ZNF469: variants seen among roughly 807,000 people sequenced by gnomAD.
ZNF469 encodes zinc finger protein 469.
Under a neutral mutation model 1.0 loss-of-function variants are expected in ZNF469, and 1 was observed. The ratio of observed to expected loss-of-function variants is 1.00; its 90% CI spans 0.35 to 4.73. The LOEUF (loss-of-function observed/expected upper bound fraction) is 4.73. ZNF469 is among the 30% of genes most tolerant of loss of function. The pLI is 0.16. For missense variants in ZNF469, 6,100 were observed against 5,356.3 expected (o/e 1.14, Z -4.33); for synonymous variants, 2,703 against 2,363.4 (o/e 1.14, Z -4.17).
At chr16:88,115,365 T>C in the ZNF469 span, among the ~76,000 whole-genome samples, 1 of 151,870 alleles carries the variant, frequency 6.6e-6, no homozygotes, top group Non-Finnish European at 1.5e-5. Flanking sequence ...TGTGTGACGC[T>C]CATATGTCCC....
upstream of ZNF469, among the ~76,000 whole-genome samples, chr16:88,381,546 C>T (rs1319562214): frequency 6.6e-6 from 1 of 152,234 alleles, no homozygotes; most frequent in African/African-American, 2.4e-5. Flanking sequence ...ACCCCTGGCC[C>T]TTGAAACTTT....
the ZNF469 span, among the ~76,000 whole-genome samples, chr16:88,247,457 T>C: frequency 1.1e-3 from 163 of 149,160 alleles, 4 homozygotes; most frequent in East Asian, 0.024. Flanking sequence ...AGTGAATGAG[T>C]GAATGAATGA....
chr16:88,356,514 G>C, the ZNF469 span, among the ~76,000 whole-genome samples: 1 of 151,798 alleles, frequency 6.6e-6, no homozygotes, highest in African/African-American at 2.4e-5. Flanking sequence ...ACATGTGCCT[G>C]TGTGTGTATT....
chr16:88,264,237 A>G, the ZNF469 span, among the ~76,000 whole-genome samples: 2 of 151,664 alleles, frequency 1.3e-5, no homozygotes, highest in South Asian at 4.2e-4. Flanking sequence ...CTCCTCCCAC[A>G]CCGAAACCCA....
At position 88,430,136 on chromosome 16, in the gene ZNF469, C is replaced by A. The variant is rs145186655; in HGVS notation, c.2666C>A (p.Ala889Glu). 2.6e-6 allele frequency: 4 copies of A among 1,550,024 alleles called. No individual in the cohort carries two copies. In the East Asian group the frequency reaches 7.3e-5, roughly 28 times the overall value. ...PSSGHPLKSKAGVTPESKAPP... is the reference protein window; with the variant it reads ...PSSGHPLKSKEGVTPESKAPP... ...TCCGGACACCCCCTTAAGAGCAAGGCGGGGGTGACTCCAGAGAGCAAAGCT... is the reference window on the plus strand; with the variant it reads ...TCCGGACACCCCCTTAAGAGCAAGGAGGGGGTGACTCCAGAGAGCAAAGCT... The change falls in exon 3 of 3, where the codon GCG (alanine) becomes GAG (glutamate). Residue 889 changes from alanine (A) to glutamate (E), a missense_variant. By Grantham distance (107) the Ala-to-Glu change is moderately radical (BLOSUM62 -1). Transcript: ENST00000565624.
the ZNF469 span, among the ~76,000 whole-genome samples, chr16:88,132,445 TG>T: frequency 2.0e-5 from 3 of 152,356 alleles, no homozygotes; most frequent in African/African-American, 7.2e-5. Context: ...GATCTGTGAC[TG>T]GCCCCATCTC....
the ZNF469 span, among the ~76,000 whole-genome samples, chr16:88,278,959 T>C: frequency 8.8e-5 from 13 of 147,486 alleles, no homozygotes; most frequent in Admixed American, 4.8e-4. Context: ...GTAGATATCA[T>C]TAGTGCACAG....
At chr16:88,170,983 G>A in the ZNF469 span, among the ~76,000 whole-genome samples, 78 of 152,268 alleles carry the variant, frequency 5.1e-4, no homozygotes, top group Non-Finnish European at 1.0e-3. The surrounding 1 kb of genome is among the most constrained non-coding windows in gnomAD (Gnocchi z 4.2). Context: ...GAGGGGAAGT[G>A]CATCATAGTT....
chr16:88,309,621 TG>T, the ZNF469 span, among the ~76,000 whole-genome samples: 2 of 143,242 alleles, frequency 1.4e-5, no homozygotes, highest in Admixed American at 1.4e-4. Flanking sequence ...TGAGGTCCCC[TG>T]TCAGTGTTCA....
At chr16:88,190,594 TG>T in the ZNF469 span, among the ~76,000 whole-genome samples, 1 of 152,222 alleles carries the variant, frequency 6.6e-6, no homozygotes, top group East Asian at 1.9e-4. Flanking sequence ...CTAAGGGCAA[TG>T]GGGAGCTATT....
rs1051148026 is a variant in ZNF469, at chr16:88,434,685, G to C, written c.7215G>C (p.Leu2405Phe). The C allele has an allele frequency of 3.2e-6, 5 of 1,550,250 alleles. No homozygotes were observed. In the African/African-American group the frequency reaches 6.8e-5, roughly 21 times the overall value. ...CCTGCCCTTCCACAGGACTGGGCTT[G>C]GGAAGAACCACAGCCCCAAGCAGCA... ...RVTCPSTGLGLGRTTAPSSTA... is the reference protein window; with the variant it reads ...RVTCPSTGLGFGRTTAPSSTA... Residue 2405 changes from leucine (L) to phenylalanine (F), a missense_variant, in exon 3 of 3, where the codon TTG becomes TTC. Coordinates refer to ENST00000565624, the MANE Select transcript of ZNF469 (RefSeq NM_001367624.2).
the ZNF469 span, among the ~76,000 whole-genome samples, chr16:88,297,485 C>T: frequency 1.3e-5 from 2 of 152,196 alleles, no homozygotes; most frequent in African/African-American, 2.4e-5. Context: ...TGGAGGTGTC[C>T]GGCCTGCCTC....
Position 88,430,986 on chromosome 16 carries a change from T to C in ZNF469, c.3516T>C (p.Arg1172=), listed in dbSNP as rs111557381. ...RPGPGRSPQA[R]GPSRSLETGA... The stretch of plus-strand genomic sequence containing the variant: ...GCCCCGGCAGGAGCCCTCAGGCCCG[T>C]GGCCCGTCTCGAAGCCTGGAGACGG... The change falls in exon 3 of 3, where the codon CGT becomes CGC. Residue 1172 remains arginine, a synonymous_variant. Coordinates refer to ENST00000565624, the MANE Select transcript of ZNF469 (RefSeq NM_001367624.2). 102,576 of 1,540,756 alleles carry C rather than the reference T, an allele frequency of 0.067. 3,791 individuals carry two copies. The highest frequency in any genetic ancestry group is 0.073 in the Non-Finnish European group (83,484 of 1,146,440).
At chr16:88,421,960 T>G (rs976779269) in intron 1 of ZNF469, among the ~76,000 whole-genome samples, 3 of 152,100 alleles carry the variant, frequency 2.0e-5, no homozygotes, top group Admixed American at 6.5e-5. Context: ...GACTTGTGGA[T>G]GGATGGGTGG....
At chr16:88,420,880 C>G (rs1185953789) in intron 1 of ZNF469, among the ~76,000 whole-genome samples, 1 of 152,212 alleles carries the variant, frequency 6.6e-6, no homozygotes, top group Non-Finnish European at 1.5e-5. Flanking sequence ...ATCTGAGAGT[C>G]AAGCCCAGGT....
the ZNF469 span, among the ~76,000 whole-genome samples, chr16:88,132,998 G>A: frequency 6.6e-6 from 1 of 152,212 alleles, no homozygotes; most frequent in East Asian, 1.9e-4. Context: ...CGGTGGGCAT[G>A]CTGGGAGAGA....
Position 88,437,779 on chromosome 16 carries a change from A to G in ZNF469, c.10309A>G (p.Met3437Val), listed in dbSNP as rs779327196. 2.6e-6 allele frequency: 4 copies of G among 1,549,438 alleles called. No homozygotes were observed. Among genetic ancestry groups the G allele is most frequent in the South Asian group, 1.2e-5 (1 of 84,052 alleles). ...FAKKEQFDRH[M>V]NKHLRGGRQP... ...CAAGAAGGAGCAGTTCGACCGCCAC[A>G]TGAACAAGCACCTCAGGGGGGGGCG... Residue 3437 changes from methionine (M) to valine (V), a missense_variant, in exon 3 of 3, where the codon ATG becomes GTG. Transcript: ENST00000565624.
the ZNF469 span, among the ~76,000 whole-genome samples, chr16:88,130,222 C>T: frequency 6.6e-6 from 1 of 152,136 alleles, no homozygotes; most frequent in Middle Eastern, 3.2e-3. Flanking sequence ...GCTGTCCAGC[C>T]CTCCCTCAAA....
chr16:88,430,790 G>A lies in ZNF469; in HGVS notation c.3320G>A (p.Arg1107Gln), dbSNP rs281865148. 1 of 1,526,284 alleles carries A rather than the reference G, an allele frequency of 6.6e-7. No individual in the cohort carries two copies. The highest frequency in any genetic ancestry group is 2.5e-5 in the East Asian group (1 of 40,196). 94.5% of individuals were successfully genotyped at this position (1,526,284 alleles called of 1,614,324 possible). ...GAGGAGGACGAGCAGCCTCCGCCGC[G>A]GGGCCCCGGCTTCAGAGGCCGGCGG... The part of the protein sequence containing the change: ...ESEEDEQPPP[R>Q]GPGFRGRRGR... Residue 1107 changes from arginine (R) to glutamine (Q), a missense_variant, in exon 3 of 3, where the codon CGG becomes CAG. Arg to Gln is a conservative substitution (Grantham distance 43, BLOSUM62 1). Coordinates refer to ENST00000565624, the MANE Select transcript of ZNF469 (RefSeq NM_001367624.2).
Sources: gnomAD v4.1 joint callset for allele counts (sites outside exome capture counted in the v4.1 genomes callset) on GRCh38, gnomAD v4.1.1 for gene constraint, Gnocchi (gnomAD v3.1) non-coding constraint, MANE v1.5 for transcripts, NCBI Gene and HGNC (gene_info 2026-07-23, HGNC 2026-07-21) for gene names.